Variants in PKIA observed in about 807,000 individuals in gnomAD.
PKIA encodes the protein PKI-alpha.
In PKIA, 4 loss-of-function variants were observed where a neutral mutation model predicts 7.6. The ratio of observed to expected loss-of-function variants is 0.52; its 90% CI spans 0.26 to 1.20. The LOEUF (loss-of-function observed/expected upper bound fraction) is 1.20, where lower values mean the gene tolerates loss of function less well. PKIA is among the 50% of genes most tolerant of loss of function. The pLI is 0.13. For synonymous variants in PKIA, 21 were observed against 30.7 expected, an observed-to-expected ratio of 0.68 and a Z score of 1.04; for missense variants, 73 against 86.2, an observed-to-expected ratio of 0.85 and a Z score of 0.61.
intron 3 of PKIA, among the ~76,000 whole-genome samples, chr8:78,599,907 CTG>C (rs1272213823): frequency 1.3e-5 from 2 of 150,654 alleles, no homozygotes; most frequent in African/African-American, 4.9e-5. Context: ...AGCCCTAAGA[CTG>C]TTTTATTTTC....
chr8:78,549,499 T>C (rs778046429), intron 1 of PKIA, among the ~76,000 whole-genome samples: 1 of 152,140 alleles, frequency 6.6e-6, no homozygotes, highest in South Asian at 2.1e-4. Context: ...TTTTGTATAA[T>C]TGATTTAGAA....
chr8:78,601,711 C>G, intron 3 of PKIA, 31 bp from the exon 4 acceptor site: 1 of 1,537,634 alleles, frequency 6.5e-7, no homozygotes, highest in Non-Finnish European at 9.0e-7. Flanking sequence ...TTTTATTTTG[C>G]CTTTATTCTG....
chr8:78,533,367 T>A (rs960862029), intron 1 of PKIA, among the ~76,000 whole-genome samples: 1 of 152,196 alleles, frequency 6.6e-6, no homozygotes, highest in African/African-American at 2.4e-5. Flanking sequence ...TTTGAATCTA[T>A]TTCTGTCTTC....
chr8:78,570,025 T>C (rs1409286040), intron 1 of PKIA, among the ~76,000 whole-genome samples: 1 of 152,008 alleles, frequency 6.6e-6, no homozygotes, highest in African/African-American at 2.4e-5. Context: ...GGGTAGGAAC[T>C]CAGGAACCTG....
At chr8:78,562,999 A>T (rs372805280) in intron 1 of PKIA, among the ~76,000 whole-genome samples, 1 of 152,212 alleles carries the variant, frequency 6.6e-6, no homozygotes, top group South Asian at 2.1e-4. Flanking sequence ...TCTTCATTCA[A>T]TTAAAATCAA....
chr8:78,518,844 G>A (rs1335822195), intron 1 of PKIA, among the ~76,000 whole-genome samples: 1 of 152,296 alleles, frequency 6.6e-6, no homozygotes, highest in South Asian at 2.1e-4. Context: ...TTTCATTTTA[G>A]TACAACTGAG....
At chr8:78,557,906 T>A (rs1807183675) in intron 1 of PKIA, among the ~76,000 whole-genome samples, 1 of 152,210 alleles carries the variant, frequency 6.6e-6, no homozygotes, top group African/African-American at 2.4e-5. Context: ...TTGTACCAAC[T>A]ATTTGGTTTT....
intron 1 of PKIA, among the ~76,000 whole-genome samples, chr8:78,564,808 T>A (rs1028328662): frequency 4.6e-5 from 7 of 151,918 alleles, no homozygotes; most frequent in African/African-American, 1.7e-4. Context: ...ATTATAATTA[T>A]GAGACTATCT....
chr8:78,522,976 G>A (rs535339467), intron 1 of PKIA, among the ~76,000 whole-genome samples: 7 of 151,780 alleles, frequency 4.6e-5, no homozygotes, highest in Non-Finnish European at 7.4e-5. Context: ...AATATTTGGC[G>A]TATGTGAAGT....
intron 1 of PKIA, among the ~76,000 whole-genome samples, chr8:78,518,961 T>C (rs955371010): frequency 2.0e-5 from 3 of 152,220 alleles, no homozygotes; most frequent in African/African-American, 7.2e-5. Context: ...ATATGTATGA[T>C]TTTATGTCTG....
At position 78,523,459 on chromosome 8, in the gene PKIA, C is replaced by A. The variant is rs545052414; in HGVS notation, c.-157+6991C>A. The stretch of plus-strand genomic sequence containing the variant: ...TAATGCACTGCTGTGGTTATGAGAC[C>A]AAAGGGTAGAAGCAGCAGTTTTTTG... On this transcript the variant is annotated intron_variant, in intron 1 of 3. Transcript: ENST00000396418. Among the ~76,000 whole-genome samples the A allele has an allele frequency of 7.2e-5, 11 of 151,972 alleles. No individual in the cohort carries two copies. In the South Asian group the frequency reaches 1.5e-3, roughly 20 times the overall value.
chr8:78,549,799 G>GA (rs1806937882), intron 1 of PKIA, among the ~76,000 whole-genome samples: 1 of 151,396 alleles, frequency 6.6e-6, no homozygotes, highest in South Asian at 2.1e-4. Flanking sequence ...GAGTCTCAGT[G>GA]AAACAAAGGT....
intron 1 of PKIA, among the ~76,000 whole-genome samples, chr8:78,518,507 A>G (rs966345369): frequency 2.0e-5 from 3 of 152,214 alleles, no homozygotes; most frequent in Non-Finnish European, 2.9e-5. Flanking sequence ...GTTATTCTAA[A>G]TAACCTAAGG....
chr8:78,552,026 G>A (rs1188829199), intron 1 of PKIA, among the ~76,000 whole-genome samples: 3 of 151,554 alleles, frequency 2.0e-5, no homozygotes, highest in Non-Finnish European at 4.4e-5. Flanking sequence ...ATTCCTATCT[G>A]GTTAAAAAAA....
At chr8:78,555,895 C>A (rs1169829608) in intron 1 of PKIA, among the ~76,000 whole-genome samples, 1 of 152,050 alleles carries the variant, frequency 6.6e-6, no homozygotes, top group African/African-American at 2.4e-5. Context: ...CAATGACTTT[C>A]TTGAAATGTC....
chr8:78,526,244 C>T (rs1375939846), intron 1 of PKIA, among the ~76,000 whole-genome samples: 1 of 151,986 alleles, frequency 6.6e-6, no homozygotes, highest in Non-Finnish European at 1.5e-5. Flanking sequence ...AGGTTGGGTC[C>T]ACTGTAATGC....
At chr8:78,588,528 A>C (rs1808014153) in intron 2 of PKIA, among the ~76,000 whole-genome samples, 1 of 152,144 alleles carries the variant, frequency 6.6e-6, no homozygotes, top group Non-Finnish European at 1.5e-5. Context: ...GTAAAACGCT[A>C]AATACAATTT....
chr8:78,523,918 T>TTA (rs567131394), intron 1 of PKIA, among the ~76,000 whole-genome samples: 7 of 126,574 alleles, frequency 5.5e-5, no homozygotes, highest in East Asian at 2.1e-4. Flanking sequence ...ACATATATAT[T>TTA]TATATATATA....
At chr8:78,580,221 G>T (rs1983384) in intron 2 of PKIA, among the ~76,000 whole-genome samples, 13,055 of 151,960 alleles carry the variant, frequency 0.086, 647 homozygotes, top group Middle Eastern at 0.17. Context: ...ATATGTCATA[G>T]GTATAAAGAT....
Sources: allele counts gnomAD v4.1 joint callset (sites outside exome capture counted in the v4.1 genomes callset), GRCh38; gene constraint gnomAD v4.1.1; transcripts MANE v1.5; gene names NCBI Gene and HGNC (gene_info 2026-07-23, HGNC 2026-07-21).